Variants in CNBD2 observed in about 807,000 individuals in gnomAD.
The protein encoded by CNBD2 is cyclic nucleotide-binding domain-containing protein 2.
In CNBD2, 64 loss-of-function variants were observed where a neutral mutation model predicts 63.7. The observed-to-expected ratio is 1.00, with a 90% confidence interval of 0.82 to 1.24. The LOEUF (loss-of-function observed/expected upper bound fraction) is 1.24, where lower values mean the gene tolerates loss of function less well. CNBD2 is among the 50% of genes most tolerant of loss of function. The pLI is 0.00. For synonymous variants in CNBD2, 229 were observed against 255.4 expected, an observed-to-expected ratio of 0.90 and a Z score of 0.99; for missense variants, 691 against 713.5, an observed-to-expected ratio of 0.97 and a Z score of 0.36.
At chr20:36,007,572 GCA>G (rs2057002315) in intron 8 of CNBD2, among the ~76,000 whole-genome samples, 2 of 152,092 alleles carry the variant, frequency 1.3e-5, no homozygotes, top group Non-Finnish European at 2.9e-5. Flanking sequence ...TGCCCAGACT[GCA>G]CACAGTGTTG....
chr20:35,964,178 CT>C (rs1015707353), upstream of CNBD2, among the ~76,000 whole-genome samples: 2 of 151,638 alleles, frequency 1.3e-5, no homozygotes, highest in Admixed American at 6.6e-5. Flanking sequence ...CTTCATATAT[CT>C]TTTTTTCTTT....
At position 36,001,021 on chromosome 20, in the gene CNBD2, C is replaced by G. The variant is rs1168764305; in HGVS notation, c.970+5869C>G. Among the ~76,000 whole-genome samples the G allele has an allele frequency of 1.3e-5, 2 of 150,828 alleles. 1 individual carries two copies. The highest frequency in any genetic ancestry group is 3.9e-4 in the East Asian group (2 of 5,154). ...TGCACCGCCCTTAATCCATTTAACCCTGAGTGGACACAGCACATGTTTCAG... is the reference window on the plus strand; with the variant it reads ...TGCACCGCCCTTAATCCATTTAACCGTGAGTGGACACAGCACATGTTTCAG... On this transcript the variant is annotated intron_variant, in intron 8 of 11. Coordinates refer to ENST00000373973, the MANE Select transcript of CNBD2 (RefSeq NM_001365709.1).
chr20:35,985,245 G>A (rs2056652359), intron 6 of CNBD2, among the ~76,000 whole-genome samples: 1 of 152,158 alleles, frequency 6.6e-6, no homozygotes, highest in African/African-American at 2.4e-5. Context: ...GCTGTGGTGA[G>A]TTGTGATCGC....
At chr20:35,994,352 A>C (rs1156448901) in intron 7 of CNBD2, among the ~76,000 whole-genome samples, 1 of 151,052 alleles carries the variant, frequency 6.6e-6, no homozygotes, top group Non-Finnish European at 1.5e-5. Flanking sequence ...GGCGTGAGCC[A>C]CAAGGCCGGC....
intron 10 of CNBD2, among the ~76,000 whole-genome samples, chr20:36,012,487 A>T (rs2057075284): frequency 6.6e-6 from 1 of 151,834 alleles, no homozygotes; most frequent in Non-Finnish European, 1.5e-5. Flanking sequence ...CAAAAAAAAA[A>T]AAATTAATAA....
At chr20:35,990,071 A>G (rs1042558354) in intron 7 of CNBD2, among the ~76,000 whole-genome samples, 1 of 152,162 alleles carries the variant, frequency 6.6e-6, no homozygotes, top group Non-Finnish European at 1.5e-5. Flanking sequence ...TTGTGTCTCT[A>G]TGGTAGAAAT....
Position 35,963,524 on chromosome 20 carries a change from C to T in CNBD2, c.228+5750C>T, listed in dbSNP as rs1420229025. On this transcript the variant is annotated intron_variant, in intron 2 of 4. Coordinates refer to the CNBD2 transcript ENST00000622112. ...GGCACGATGGTGGGTGCCTGTAATC[C>T]CAGCTACTCAGGAGGCTGACGCAGG... Among the ~76,000 whole-genome samples the T allele has an allele frequency of 2.0e-5, 3 of 151,998 alleles. No homozygotes were observed. In the East Asian group the frequency reaches 5.8e-4, roughly 29 times the overall value.
intron 4 of CNBD2, among the ~76,000 whole-genome samples, chr20:35,983,273 G>A (rs540460378): frequency 2.0e-5 from 3 of 151,866 alleles, no homozygotes; most frequent in Non-Finnish European, 2.9e-5. Context: ...CTGGCCTCAC[G>A]GTACCTAACA....
At chr20:36,006,324 G>A (rs914257160) in intron 8 of CNBD2, among the ~76,000 whole-genome samples, 3 of 151,832 alleles carry the variant, frequency 2.0e-5, no homozygotes, top group Admixed American at 6.6e-5. Context: ...CACCACACCC[G>A]GCTGGAGATC....
At chr20:36,026,218 G>A (rs1379222742) in intron 11 of CNBD2, among the ~76,000 whole-genome samples, 2 of 152,006 alleles carry the variant, frequency 1.3e-5, no homozygotes, top group Non-Finnish European at 2.9e-5. Flanking sequence ...GTATTTTTTG[G>A]TAGAGACGGG....
At chr20:35,963,280 G>A (rs2056321642) in intron 2 of CNBD2, among the ~76,000 whole-genome samples, 1 of 151,702 alleles carries the variant, frequency 6.6e-6, no homozygotes, top group African/African-American at 2.4e-5. Context: ...GGTAGAGGCT[G>A]CAGTGAGCTG....
intron 4 of CNBD2, among the ~76,000 whole-genome samples, 194 bp from the exon 5 acceptor site, chr20:35,983,788 G>C (rs1030815426): frequency 6.6e-6 from 1 of 152,174 alleles, no homozygotes; most frequent in Admixed American, 6.5e-5. Flanking sequence ...CAGTTCAACC[G>C]AGGCAGGCAA....
chr20:36,001,802 G>A (rs1259015494), intron 8 of CNBD2, among the ~76,000 whole-genome samples: 5 of 151,670 alleles, frequency 3.3e-5, no homozygotes, highest in Admixed American at 6.6e-5. Flanking sequence ...GACGATGGGC[G>A]GCCGGGCAGA....
chr20:35,962,772 A>G (rs922234275), intron 2 of CNBD2, among the ~76,000 whole-genome samples: 1 of 152,174 alleles, frequency 6.6e-6, no homozygotes, highest in Admixed American at 6.5e-5. Context: ...GCTGAATTCT[A>G]TTTGCTTATA....
At chr20:35,992,447 CT>C (rs1262670044) in intron 7 of CNBD2, among the ~76,000 whole-genome samples, 3 of 152,150 alleles carry the variant, frequency 2.0e-5, no homozygotes, top group Admixed American at 6.5e-5. Context: ...GGCAGATTTG[CT>C]GTCTCACCCC....
intron 8 of CNBD2, among the ~76,000 whole-genome samples, chr20:36,006,888 C>G (rs1338734314): frequency 6.6e-6 from 1 of 152,102 alleles, no homozygotes; most frequent in East Asian, 1.9e-4. Context: ...CCTATGGTTT[C>G]ATATAAATGA....
At chr20:35,973,512 C>G (rs2056453825) in intron 2 of CNBD2, 1 of 152,174 alleles carries the variant, frequency 6.6e-6, no homozygotes, top group Non-Finnish European at 1.5e-5. Context: ...CGGGTTCACA[C>G]CATTCTCCTG....
rs533412650 is a variant in CNBD2 at position 35,999,863 on chromosome 20, G to C, written c.970+4711G>C. On this transcript the variant is annotated intron_variant, in intron 8 of 11. Transcript: ENST00000373973. ...CAGCTAATTTTGTGTATTTTTAGTA[G>C]AGACAGGGTTTCACTATGTTGGCCA... 2.0e-4 allele frequency among the ~76,000 whole-genome samples: 31 copies of C among 152,138 alleles called. No individual in the cohort carries two copies. The South Asian group carries it at 6.0e-3, about 30-fold the overall frequency.
At chr20:35,987,314 A>T (rs2056681195) in intron 6 of CNBD2, 81 bp from the exon 7 acceptor site, 1 of 1,492,744 alleles carries the variant, frequency 6.7e-7, no homozygotes, top group Non-Finnish European at 9.2e-7. Context: ...ACAGGAGAAG[A>T]GTATGTGCCC....
Sources: gnomAD v4.1 joint callset for allele counts (sites outside exome capture counted in the v4.1 genomes callset) on GRCh38, gnomAD v4.1.1 for gene constraint, MANE v1.5 for transcripts, NCBI Gene and HGNC (gene_info 2026-07-23, HGNC 2026-07-21) for gene names.